The following FMNL2 variants were observed in gnomAD, a reference collection of about 807,000 sequenced individuals.
FMNL2 encodes formin like 2, also known as formin-like protein 2.
In FMNL2, 51 loss-of-function variants were observed where a neutral mutation model predicts 130.2. That is an observed-to-expected ratio of 0.39 (90% CI 0.31 to 0.49). The LOEUF is 0.49. Among genes scored for constraint, FMNL2 ranks in the 20% least tolerant of loss-of-function variants. The pLI, the probability that FMNL2 is intolerant of heterozygous loss-of-function variation, is 0.85. For missense variants in FMNL2, 977 were observed against 1,316.2 expected, an observed-to-expected ratio of 0.74 and a Z score of 3.99; for synonymous variants, 465 against 467.1, an observed-to-expected ratio of 1.00 and a Z score of 0.06.
Position 152,542,802 on chromosome 2 carries a change from C to T in FMNL2, c.265C>T (p.Pro89Ser), listed in dbSNP as rs1334404203. Residue 89 changes from proline (P) to serine (S), a missense_variant, in exon 3 of 26, where the codon CCA (proline) becomes TCA (serine). Physicochemically the swap from Pro to Ser is moderately conservative, Grantham distance 74. Coordinates refer to ENST00000288670, the MANE Select transcript of FMNL2 (RefSeq NM_052905.4). Reference sequence around the variant, plus strand: ...TCAAAAGCTCAAAGGCTATCTGGATCCAGCTGTAACCAGGAAGGTAAGATG... The same window carrying T: ...TCAAAAGCTCAAAGGCTATCTGGATTCAGCTGTAACCAGGAAGGTAAGATG... ...YIQKLKGYLD[P>S]AVTRKKFRRR... The T allele has an allele frequency of 1.2e-6, 2 of 1,613,826 alleles. No homozygotes were observed. The highest frequency in any genetic ancestry group is 2.7e-5 in the African/African-American group (2 of 74,928).
rs746863647 is a variant in FMNL2 at position 152,575,112 on chromosome 2, A to G, written c.597-24A>G. 3.5e-6 allele frequency: 5 copies of G among 1,427,088 alleles called. No homozygotes were observed. In the South Asian group the frequency reaches 4.8e-5, roughly 14 times the overall value. 88.4% of individuals were successfully genotyped at this position (1,427,088 alleles called of 1,614,324 possible). A position where few individuals can be genotyped will look rare whatever the true frequency, so the allele number is the denominator to read the frequency against. On this transcript the variant is annotated intron_variant, in intron 6 of 25. Coordinates refer to ENST00000288670, the MANE Select transcript of FMNL2 (RefSeq NM_052905.4). Reference sequence around the variant, plus strand: ...CTAAGAAAGTAACCTGTTGTTTTATAGAAGTTTCTCTTTTTGTTTGTAGAT... The same window carrying G: ...CTAAGAAAGTAACCTGTTGTTTTATGGAAGTTTCTCTTTTTGTTTGTAGAT...
chr2:152,504,549 G>C (rs1692046512), intron 1 of FMNL2, among the ~76,000 whole-genome samples: 1 of 152,118 alleles, frequency 6.6e-6, no homozygotes, highest in Non-Finnish European at 1.5e-5. Flanking sequence ...TCAGCCGCAG[G>C]GAGGCTTCTT....
At chr2:152,586,094 C>T (rs766546906) in intron 9 of FMNL2, among the ~76,000 whole-genome samples, 42 of 152,112 alleles carry the variant, frequency 2.8e-4, no homozygotes, top group Admixed American at 1.5e-3. Flanking sequence ...ATCAGGATTT[C>T]GGATCAATTA....
intron 1 of FMNL2, among the ~76,000 whole-genome samples, chr2:152,503,389 A>G (rs1010873270): frequency 2.0e-5 from 3 of 152,144 alleles, no homozygotes; most frequent in Non-Finnish European, 4.4e-5. Context: ...GGCCAGGGTG[A>G]TCAGATACCA....
At chr2:152,364,261 GTTTTTTT>G (rs869062341) in intron 1 of FMNL2, among the ~76,000 whole-genome samples, 58 of 24,476 alleles carry the variant, frequency 2.4e-3, no homozygotes, top group African/African-American at 7.3e-3. Flanking sequence ...AGGTTTGTGT[GTTTTTTT>G]TTTTTTTTTT....
intron 1 of FMNL2, among the ~76,000 whole-genome samples, chr2:152,453,200 T>A (rs2105079245): frequency 1.5e-5 from 2 of 130,834 alleles, no homozygotes; most frequent in South Asian, 6.1e-4. Context: ...AGACTCTGTC[T>A]TGGCGTCAGG....
intron 1 of FMNL2, among the ~76,000 whole-genome samples, chr2:152,475,819 C>T (rs890125527): frequency 6.6e-6 from 1 of 152,000 alleles, no homozygotes; most frequent in Non-Finnish European, 1.5e-5. Flanking sequence ...TTTTAACATT[C>T]TTACTACAAA....
At chr2:152,607,506 CAT>C (rs934086543) in intron 10 of FMNL2, 93 bp downstream of exon 10, 30 of 712,512 alleles carry the variant, frequency 4.2e-5, no homozygotes, top group African/African-American at 1.2e-4. Flanking sequence ...CACACACACA[CAT>C]ATTTATATTA....
intron 1 of FMNL2, among the ~76,000 whole-genome samples, chr2:152,516,947 GGTTC>G (rs940815102): frequency 1.8e-4 from 27 of 151,848 alleles, no homozygotes; most frequent in African/African-American, 6.3e-4. Flanking sequence ...ATTTTCAAAA[GGTTC>G]TGAGATGGAA....
At chr2:152,535,091 C>T (rs975715545) in intron 2 of FMNL2, among the ~76,000 whole-genome samples, 1 of 152,214 alleles carries the variant, frequency 6.6e-6, no homozygotes, top group African/African-American at 2.4e-5. Context: ...CACGTTTTCA[C>T]TATTCAAGAC....
chr2:152,467,498 A>G (rs1689618216), intron 1 of FMNL2, among the ~76,000 whole-genome samples: 1 of 152,142 alleles, frequency 6.6e-6, no homozygotes, highest in Non-Finnish European at 1.5e-5. Context: ...TCGAAGGCTG[A>G]CAGAGCTTTT....
intron 1 of FMNL2, chr2:152,390,252 C>A (rs1441075822): frequency 6.9e-7 from 1 of 1,451,244 alleles, no homozygotes; most frequent in Non-Finnish European, 9.6e-7. Flanking sequence ...CATCCAGGGG[C>A]AGCACCTCCG....
rs556692818 is a variant in FMNL2 at position 152,365,223 on chromosome 2, GA to G, written c.117+29505del. Among the ~76,000 whole-genome samples the G allele has an allele frequency of 3.2e-3, 480 of 152,318 alleles. 2 individuals carry two copies. Among genetic ancestry groups the G allele is most frequent in the African/African-American group, 0.011 (442 of 41,580 alleles). On this transcript the variant is annotated intron_variant, in intron 1 of 25. Coordinates refer to ENST00000288670, the MANE Select transcript of FMNL2 (RefSeq NM_052905.4). ...AAAGGAACTTAAGGAGAGTTGACTTGAATTGGAGAGTGGAAGATGAATGTAA... is the reference window on the plus strand; with the variant it reads ...AAAGGAACTTAAGGAGAGTTGACTTGATTGGAGAGTGGAAGATGAATGTAA...
chr2:152,417,364 G>T (rs968403959), intron 1 of FMNL2, among the ~76,000 whole-genome samples: 1 of 152,124 alleles, frequency 6.6e-6, no homozygotes, highest in Non-Finnish European at 1.5e-5. Context: ...GAATGACATC[G>T]ATGTGGAGAG....
At chr2:152,568,223 T>TTTTTTTTTTTGTTTTTTTTTTG (rs1553478444) in intron 6 of FMNL2, among the ~76,000 whole-genome samples, 4 of 132,306 alleles carry the variant, frequency 3.0e-5, no homozygotes, top group South Asian at 2.3e-4. Context: ...GGTGGGTTTT[T>TTTTTTTTTTTGTTTTTTTTTTG]TTTTTTTTTT....
In FMNL2 at chr2:152,640,888, A is replaced by G. The variant is rs1237116719; in HGVS notation, c.3143A>G (p.Asp1048Gly). ...AACAGACATGTATATGAGGGAAAAG[A>G]TGGTGCCATTGAAGATATTATCACA... is the stretch of plus-strand genomic sequence containing the variant. ...KDNRHVYEGKDGAIEDIITDL... is the reference protein window; with the variant it reads ...KDNRHVYEGKGGAIEDIITDL... The change falls in exon 25 of 26, where the codon GAT (aspartate) becomes GGT (glycine). Residue 1048 changes from aspartate to glycine, a missense_variant. Physicochemically the swap from Asp to Gly is moderately conservative, Grantham distance 94. Coordinates refer to ENST00000288670, the MANE Select transcript of FMNL2 (RefSeq NM_052905.4). 2 of 1,613,892 alleles carry G rather than the reference A, an allele frequency of 1.2e-6. No individual in the cohort carries two copies. Among genetic ancestry groups the G allele is most frequent in the Non-Finnish European group, 1.7e-6 (2 of 1,179,808 alleles).
At chr2:152,635,268 T>C (rs962950341) in intron 21 of FMNL2, among the ~76,000 whole-genome samples, 2 of 152,162 alleles carry the variant, frequency 1.3e-5, no homozygotes, top group African/African-American at 4.8e-5. Context: ...CAGTTGGCCA[T>C]TGTCAACTTC....
chr2:152,647,869 C>G lies in FMNL2; in HGVS notation c.3243C>G (p.Asn1081Lys), dbSNP rs774558782. The change falls in exon 26 of 26, where the codon AAC becomes AAG. Residue 1081 changes from asparagine (N) to lysine (K), a missense_variant. By Grantham distance (94) the Asn-to-Lys change is moderately conservative. Around this residue, in one of 4 missense-constraint regions of FMNL2, gnomAD observed 168 missense variants for 168.8 expected, o/e 1.00. Coordinates refer to ENST00000288670, the MANE Select transcript of FMNL2 (RefSeq NM_052905.4). ...TCAGGCGGCGCTTTGATGATCAGAA[C>G]TTGCGTTCTGTTAATGGTGCCGAAA... Reference protein sequence around the residue: ...RSVRRRFDDQNLRSVNGAEIT... With the variant: ...RSVRRRFDDQKLRSVNGAEIT... 1.2e-6 allele frequency: 2 copies of G among 1,613,912 alleles called. No individual in the cohort carries two copies. Among genetic ancestry groups the G allele is most frequent in the Non-Finnish European group, 8.5e-7 (1 of 1,179,830 alleles).
intron 1 of FMNL2, among the ~76,000 whole-genome samples, chr2:152,457,810 A>G (rs1356184247): frequency 2.0e-5 from 3 of 152,182 alleles, no homozygotes; most frequent in Admixed American, 6.5e-5. Context: ...CTAGGGGACA[A>G]TCTGTTTCCT....
Sources: gnomAD v4.1 joint callset for allele counts (sites outside exome capture counted in the v4.1 genomes callset) on GRCh38, gnomAD v4.1.1 for gene constraint, gnomAD v4.1.1 regional missense constraint, MANE v1.5 for transcripts, NCBI Gene and HGNC (gene_info 2026-07-23, HGNC 2026-07-21) for gene names.